The following ZNF292 variants were observed in gnomAD, a reference collection of about 807,000 sequenced individuals.
ZNF292 encodes the protein 16 zinc-finger domain protein.
Under a neutral mutation model 217.9 loss-of-function variants are expected in ZNF292, and 26 were observed. That is an observed-to-expected ratio of 0.12 (90% CI 0.09 to 0.17). ZNF292 has a LOEUF of 0.17. ZNF292 is among the 10% of genes least tolerant of loss of function. The pLI is 1.00. For missense variants in ZNF292, 2,904 were observed against 3,175.2 expected, an observed-to-expected ratio of 0.91 and a Z score of 2.05; for synonymous variants, 1,257 against 1,124.1, an observed-to-expected ratio of 1.12 and a Z score of -2.37.
At chr6:87,247,066 AAT>A (rs1244627679) in intron 7 of ZNF292, among the ~76,000 whole-genome samples, 1 of 151,894 alleles carries the variant, frequency 6.6e-6, no homozygotes, top group Non-Finnish European at 1.5e-5. Flanking sequence ...GAGACACAGG[AAT>A]CGCTTGAGCC....
At chr6:87,202,101 T>G (rs1029228988) in intron 1 of ZNF292, among the ~76,000 whole-genome samples, 5 of 152,210 alleles carry the variant, frequency 3.3e-5, no homozygotes, top group African/African-American at 1.2e-4. Flanking sequence ...CTGTAAATAA[T>G]CCTATGGAGA....
Position 87,256,319 on chromosome 6 carries a change from C to A in ZNF292, c.2690C>A (p.Ser897Ter), listed in dbSNP as rs76661125. The A allele has an allele frequency of 8.1e-6, 13 of 1,613,036 alleles. No individual in the cohort carries two copies. The African/African-American group carries it at 1.6e-4, about 20-fold the overall frequency. Residue 897 changes from serine to a stop codon, truncating the protein, a stop_gained, in exon 8 of 8, where the codon TCA becomes TAA. Transcript: ENST00000369577. LOFTEE classifies it high-confidence loss of function. ...GCTTGGGATAAAAGCAAAGCAGAATCAGCTGTGACCAAACAAGACCAGATT... is the reference window on the plus strand; with the variant it reads ...GCTTGGGATAAAAGCAAAGCAGAATAAGCTGTGACCAAACAAGACCAGATT... ...SDAWDKSKAE[S>*]AVTKQDQISA...
chr6:87,200,485 C>T (rs1475952166), intron 1 of ZNF292, among the ~76,000 whole-genome samples: 1 of 152,150 alleles, frequency 6.6e-6, no homozygotes, highest in African/African-American at 2.4e-5. Flanking sequence ...TCTCTGCTCC[C>T]ATTAAAGTCA....
At chr6:87,198,185 TTTA>T (rs1772011740) in intron 1 of ZNF292, among the ~76,000 whole-genome samples, 2 of 24,042 alleles carry the variant, frequency 8.3e-5, no homozygotes, top group African/African-American at 7.9e-4. Context: ...GTTTATTTTA[TTTA>T]TTTATTTATT....
chr6:87,248,307 G>A (rs995302980), intron 7 of ZNF292, among the ~76,000 whole-genome samples: 23 of 152,170 alleles, frequency 1.5e-4, no homozygotes, highest in Admixed American at 4.6e-4. Flanking sequence ...GTAAGTCTTA[G>A]ATGTATCTTC....
chr6:87,195,261 A>T (rs990554319), intron 1 of ZNF292, among the ~76,000 whole-genome samples: 4 of 152,230 alleles, frequency 2.6e-5, no homozygotes, highest in South Asian at 2.1e-4. Context: ...TTTAGATTAT[A>T]GCAATATGTA....
intron 1 of ZNF292, chr6:87,214,947 G>A (rs1772670039): frequency 6.6e-6 from 1 of 150,908 alleles, no homozygotes; most frequent in African/African-American, 2.4e-5. Context: ...GTATGCCAGA[G>A]GATACAGGCC....
chr6:87,233,568 G>A, intron 5 of ZNF292, 41 bp downstream of exon 5: 1 of 1,572,960 alleles, frequency 6.4e-7, no homozygotes, highest in Non-Finnish European at 8.6e-7. Flanking sequence ...TTTTTAAGTT[G>A]AGAAATTAAT....
chr6:87,191,074 C>CT (rs558571131), intron 1 of ZNF292, among the ~76,000 whole-genome samples: 15 of 150,988 alleles, frequency 9.9e-5, no homozygotes, highest in Non-Finnish European at 1.9e-4. Context: ...GTGTACCATA[C>CT]TTTTTTTTTA....
chr6:87,198,757 C>G (rs1221112444), intron 1 of ZNF292, among the ~76,000 whole-genome samples: 3 of 152,176 alleles, frequency 2.0e-5, no homozygotes, highest in Non-Finnish European at 4.4e-5. Flanking sequence ...TACACAATAA[C>G]TTCAAAGGGT....
rs760956712 is a variant in ZNF292 at position 87,257,459 on chromosome 6, C to T, written c.3830C>T (p.Ser1277Leu). 1.2e-6 allele frequency: 2 copies of T among 1,613,374 alleles called. No homozygotes were observed. The highest frequency in any genetic ancestry group is 3.3e-5 in the Admixed American group (2 of 59,858). The change falls in exon 8 of 8, where the codon TCA (serine) becomes TTA (leucine). Residue 1277 changes from serine (S) to leucine (L), a missense_variant. By Grantham distance (145) the Ser-to-Leu change is moderately radical. Around this residue, in one of 15 missense-constraint regions of ZNF292, gnomAD observed 687 missense variants for 623.0 expected, o/e 1.10. Coordinates refer to ENST00000369577, the MANE Select transcript of ZNF292 (RefSeq NM_015021.3). Reference protein sequence around the residue: ...AESSSMSLFPSPADSGTNSVF... With the variant: ...AESSSMSLFPLPADSGTNSVF... ...AGTAGTTCAATGTCTCTCTTCCCTT[C>T]ACCAGCAGATAGTGGGACTAATTCT...
intron 1 of ZNF292, among the ~76,000 whole-genome samples, chr6:87,172,655 C>CA (rs2127773895): frequency 6.6e-6 from 1 of 152,232 alleles, no homozygotes; most frequent in South Asian, 2.1e-4. Flanking sequence ...CCTGTAATCC[C>CA]AGCACTTTGG....
At chr6:87,199,109 T>TA (rs1772037759) in intron 1 of ZNF292, among the ~76,000 whole-genome samples, 1 of 152,260 alleles carries the variant, frequency 6.6e-6, no homozygotes, top group Admixed American at 6.5e-5. Flanking sequence ...TGTGCCATTT[T>TA]ACATTCTCCT....
intron 1 of ZNF292, among the ~76,000 whole-genome samples, chr6:87,181,748 C>T (rs572406161): frequency 1.7e-4 from 26 of 151,936 alleles, no homozygotes; most frequent in African/African-American, 6.3e-4. Context: ...GTGGCACTGT[C>T]TCGACTCACT....
In ZNF292 at chr6:87,255,707, A is replaced by G. The variant is rs1431006794; in HGVS notation, c.2078A>G (p.Lys693Arg). ...GTAACTTTTTGTAAAAAGGGCTTTA[A>G]GTACTTTAAAAATTTAATTGCTCAT... ...CPVTFCKKGFKYFKNLIAHVK... is the reference protein window; with the variant it reads ...CPVTFCKKGFRYFKNLIAHVK... The change falls in exon 8 of 8, where the codon AAG (lysine) becomes AGG (arginine). Residue 693 changes from lysine (K) to arginine (R), a missense_variant. This residue lies in a region of ZNF292 where 216 missense variants were observed against 308.3 expected (regional missense o/e 0.70). Coordinates refer to ENST00000369577, the MANE Select transcript of ZNF292 (RefSeq NM_015021.3). 33 of 1,613,324 alleles carry G rather than the reference A, an allele frequency of 2.0e-5. No individual in the cohort carries two copies. The highest frequency in any genetic ancestry group is 2.8e-5 in the Non-Finnish European group (33 of 1,179,698).
chr6:87,185,796 A>T (rs1186721274), intron 1 of ZNF292, among the ~76,000 whole-genome samples: 4 of 151,884 alleles, frequency 2.6e-5, no homozygotes, highest in African/African-American at 9.7e-5. Flanking sequence ...TTTATTTTTT[A>T]TTTTTTAAAC....
chr6:87,214,091 A>G (rs939187338), intron 1 of ZNF292, among the ~76,000 whole-genome samples: 1 of 152,192 alleles, frequency 6.6e-6, no homozygotes, highest in Non-Finnish European at 1.5e-5. Flanking sequence ...GATTGGGATT[A>G]TATGTATAAT....
intron 7 of ZNF292, among the ~76,000 whole-genome samples, chr6:87,253,085 T>C (rs1385328491): frequency 6.6e-6 from 1 of 151,768 alleles, no homozygotes; most frequent in Admixed American, 6.6e-5. Flanking sequence ...TTTTTTTCTT[T>C]TTTTTTTGAT....
Position 87,261,515 on chromosome 6 carries a change from A to T in ZNF292, c.7886A>T (p.Lys2629Ile). ...AAAGGATCCCATTCAAATTCAAGAAAAAATATTGATAAGACTGCTGTGACT... is the reference window on the plus strand; with the variant it reads ...AAAGGATCCCATTCAAATTCAAGAATAAATATTGATAAGACTGCTGTGACT... Reference protein sequence around the residue: ...NKKGSHSNSRKNIDKTAVTSG... With the variant: ...NKKGSHSNSRINIDKTAVTSG... Residue 2629 changes from lysine (K) to isoleucine (I), a missense_variant, in exon 8 of 8, where the codon AAA (lysine) becomes ATA (isoleucine). By Grantham distance (102) the Lys-to-Ile change is moderately radical (BLOSUM62 -3). Around this residue, in one of 15 missense-constraint regions of ZNF292, gnomAD observed 380 missense variants for 355.3 expected, o/e 1.07. Coordinates refer to ENST00000369577, the MANE Select transcript of ZNF292 (RefSeq NM_015021.3). The T allele has an allele frequency of 5.6e-6, 9 of 1,607,470 alleles. No homozygotes were observed. The highest frequency in any genetic ancestry group is 7.7e-6 in the Non-Finnish European group (9 of 1,176,466).
Sources: allele counts gnomAD v4.1 joint callset (sites outside exome capture counted in the v4.1 genomes callset), GRCh38; gene constraint gnomAD v4.1.1; regional missense constraint gnomAD v4.1.1; transcripts MANE v1.5; gene names NCBI Gene and HGNC (gene_info 2026-07-23, HGNC 2026-07-21).